Variants in SNX16 observed in about 807,000 individuals in gnomAD.
The protein encoded by SNX16 is sorting nexin-16.
A neutral mutation model predicts 36.7 loss-of-function variants in SNX16; 35 were observed. The observed-to-expected ratio is 0.95, with a 90% CI of 0.73 to 1.27. The LOEUF (loss-of-function observed/expected upper bound fraction) is 1.27, where lower values mean the gene tolerates loss of function less well. Ranked by LOEUF, SNX16 falls within the 50% of genes most tolerant of loss-of-function variation. The probability of loss-of-function intolerance (pLI) is 0.00; values close to 1 mark genes in which losing one functional copy is unlikely to be tolerated. For synonymous variants in SNX16, 134 were observed against 132.0 expected (o/e 1.02, Z -0.10); for missense variants, 367 against 393.6 (o/e 0.93, Z 0.57).
chr8:81,828,965 CTCCAGATAAG>C lies in SNX16; in HGVS notation c.462+455_462+464del, dbSNP rs2130733101. On this transcript the variant is annotated intron_variant, in intron 3 of 7. Transcript: ENST00000345957. ...TTGGAAGGTAATTCTCCTCCAGAGC[CTCCAGATAAG>C]TGCCCAGCCCAGCTAACAGCTTGAT... Among the ~76,000 whole-genome samples, 3 of 152,256 alleles carry C rather than the reference CTCCAGATAAG, an allele frequency of 2.0e-5. No homozygotes were observed. In the South Asian group the frequency reaches 6.2e-4, roughly 32 times the overall value.
At chr8:81,834,373 C>T (rs1811401591) in intron 2 of SNX16, among the ~76,000 whole-genome samples, 2 of 152,092 alleles carry the variant, frequency 1.3e-5, no homozygotes, top group African/African-American at 4.8e-5. Context: ...ATCATTCCAC[C>T]CCTGGCCCCT....
intron 4 of SNX16, chr8:81,815,682 T>C: frequency 4.3e-6 from 1 of 229,946 alleles, no homozygotes; most frequent in Admixed American, 4.9e-5. Context: ...ATAGCCTCTT[T>C]ATGATTTTCA....
chr8:81,838,546 TA>T (rs1811597054), intron 2 of SNX16, among the ~76,000 whole-genome samples: 1 of 111,478 alleles, frequency 9.0e-6, no homozygotes, highest in Admixed American at 9.0e-5. Context: ...GTCTTTCAAA[TA>T]AAAGCCTGAT....
At chr8:81,834,686 A>G (rs190004790) in intron 2 of SNX16, among the ~76,000 whole-genome samples, 30 of 152,300 alleles carry the variant, frequency 2.0e-4, no homozygotes, top group Non-Finnish European at 4.0e-4. Flanking sequence ...TAAAGCTCCA[A>G]AATACTTTCC....
chr8:81,831,792 C>T (rs1209077327), intron 2 of SNX16, among the ~76,000 whole-genome samples: 3 of 150,396 alleles, frequency 2.0e-5, no homozygotes, highest in Admixed American at 6.6e-5. Context: ...AGAAGACATA[C>T]AAGCAGCTAA....
At chr8:81,808,617 G>A (rs1042788174) in intron 5 of SNX16, 9 of 950,090 alleles carry the variant, frequency 9.5e-6, no homozygotes, top group African/African-American at 8.0e-5. Flanking sequence ...AAACTTTGGA[G>A]GCAGAAGCTC....
intron 3 of SNX16, among the ~76,000 whole-genome samples, chr8:81,824,379 G>C (rs1290577515): frequency 6.6e-6 from 1 of 152,028 alleles, no homozygotes; most frequent in Non-Finnish European, 1.5e-5. Flanking sequence ...ATATATTTCA[G>C]ATACAAGTCC....
At chr8:81,822,217 G>GT (rs1810779099) in intron 4 of SNX16, among the ~76,000 whole-genome samples, 1 of 152,086 alleles carries the variant, frequency 6.6e-6, no homozygotes, top group Admixed American at 6.6e-5. Flanking sequence ...ACGAAGTGCA[G>GT]TTTGTGTTGA....
At chr8:81,822,138 G>C (rs1383364013) in intron 4 of SNX16, among the ~76,000 whole-genome samples, 13 of 152,070 alleles carry the variant, frequency 8.5e-5, no homozygotes, top group Non-Finnish European at 1.8e-4. Flanking sequence ...CTCTGTGATA[G>C]AGAACTGACC....
At chr8:81,809,827 G>A (rs1810147834) in intron 5 of SNX16, among the ~76,000 whole-genome samples, 1 of 152,198 alleles carries the variant, frequency 6.6e-6, no homozygotes, top group African/African-American at 2.4e-5. Context: ...GTATTCCTAG[G>A]AAAGTACCTT....
chr8:81,807,233 G>T (rs1043800986), intron 5 of SNX16, among the ~76,000 whole-genome samples: 4 of 151,862 alleles, frequency 2.6e-5, no homozygotes, highest in Non-Finnish European at 5.9e-5. Context: ...AAAATGAACT[G>T]AGTGGCCAGG....
chr8:81,823,784 T>C lies in SNX16; in HGVS notation c.611+8A>G. 1 of 1,591,624 alleles carries C rather than the reference T, an allele frequency of 6.3e-7. No homozygotes were observed. Among genetic ancestry groups the C allele is most frequent in the Non-Finnish European group, 8.5e-7 (1 of 1,171,368 alleles). ...TTTTATAATCTCTTATTTCAATTCGTTACATACCAGTTAGCAATGTCCTTG... is the reference window on the plus strand; with the variant it reads ...TTTTATAATCTCTTATTTCAATTCGCTACATACCAGTTAGCAATGTCCTTG... On this transcript the variant is annotated splice_region_variant and intron_variant, in intron 4 of 7. Coordinates refer to ENST00000345957, the MANE Select transcript of SNX16 (RefSeq NM_152836.3).
At chr8:81,841,420 T>C (rs1811765719) in intron 1 of SNX16, among the ~76,000 whole-genome samples, 1 of 151,964 alleles carries the variant, frequency 6.6e-6, no homozygotes, top group African/African-American at 2.4e-5. Context: ...CATGAAACTT[T>C]AGCTGCTGAT....
rs563398282 is a variant in SNX16 at position 81,818,206 on chromosome 8, C to T, written c.612-2812G>A. Among the ~76,000 whole-genome samples the T allele has an allele frequency of 1.6e-4, 25 of 152,186 alleles. 1 individual carries two copies. The South Asian group carries it at 4.1e-3, about 25-fold the overall frequency. On this transcript the variant is annotated intron_variant, in intron 4 of 7. Transcript: ENST00000345957. ...ACATTTTGTAGCAAAAACCATCCAA[C>T]CAACCTTAGTAATGTGTTGATTCTC...
chr8:81,816,063 C>G (rs1411706520), intron 4 of SNX16, among the ~76,000 whole-genome samples: 1 of 151,964 alleles, frequency 6.6e-6, no homozygotes, highest in African/African-American at 2.4e-5. Context: ...TTCTAAAAAG[C>G]AAGTTTGGAC....
Position 81,800,637 on chromosome 8 carries a change from A to T in SNX16, c.*860T>A, listed in dbSNP as rs1809642776. On this transcript the variant is annotated 3_prime_UTR_variant, in exon 8 of 8. Transcript: ENST00000345957. ...AATGTCAGGAGTCAAGCCAGTTAGG[A>T]ACTTTGCAGTATATATGGCTTTTTA... is the stretch of plus-strand genomic sequence containing the variant. 1 of 152,250 alleles carries T rather than the reference A, an allele frequency of 6.6e-6. No homozygotes were observed. Among genetic ancestry groups the T allele is most frequent in the Admixed American group, 6.6e-5 (1 of 15,252 alleles). 9.4% of individuals were successfully genotyped at this position (152,250 alleles called of 1,614,324 possible).
intron 5 of SNX16, chr8:81,808,030 AAG>A: frequency 1.1e-6 from 1 of 884,248 alleles, no homozygotes; most frequent in African/African-American, 1.6e-5. Context: ...TGTGGAACCA[AAG>A]AGAGCTGTCT....
At chr8:81,839,543 A>C (rs1384959994) in intron 2 of SNX16, 69 bp downstream of exon 2, 5 of 1,385,780 alleles carry the variant, frequency 3.6e-6, no homozygotes, top group Non-Finnish European at 4.9e-6. Context: ...TTAATTTAAC[A>C]CTGGTTTGAA....
In SNX16 at chr8:81,839,592, C is replaced by G. The variant is rs774229555; in HGVS notation, c.375+20G>C. The G allele has an allele frequency of 1.3e-6, 2 of 1,591,676 alleles. No individual in the cohort carries two copies. The highest frequency in any genetic ancestry group is 1.7e-6 in the Non-Finnish European group (2 of 1,168,234). ...CAATCTTTCACTTTGTAGTGTTATACAGCAGAAGTCAATACTTACAGTAAA... is the reference window on the plus strand; with the variant it reads ...CAATCTTTCACTTTGTAGTGTTATAGAGCAGAAGTCAATACTTACAGTAAA... On this transcript the variant is annotated intron_variant, in intron 2 of 7. Coordinates refer to ENST00000345957, the MANE Select transcript of SNX16 (RefSeq NM_152836.3).
Sources: gnomAD v4.1 joint callset for allele counts (sites outside exome capture counted in the v4.1 genomes callset) on GRCh38, gnomAD v4.1.1 for gene constraint, MANE v1.5 for transcripts, NCBI Gene and HGNC (gene_info 2026-07-23, HGNC 2026-07-21) for gene names.